The following IL23R variants were observed in gnomAD, a reference collection of about 807,000 sequenced individuals.
IL23R encodes the protein interleukin 23 receptor, also known as interleukin-23 receptor.
In IL23R, 34 loss-of-function variants were observed where a neutral mutation model predicts 56.9. The observed-to-expected ratio is 0.60, with a 90% confidence interval of 0.45 to 0.80. The LOEUF is 0.80. IL23R is among the 30% of genes least tolerant of loss of function. IL23R has a pLI of 0.00. For synonymous variants in IL23R, 230 were observed against 249.2 expected (o/e 0.92, Z 0.73); for missense variants, 635 against 730.0 (o/e 0.87, Z 1.50).
At chr1:67,223,974 T>C (rs1650459790) in intron 7 of IL23R, among the ~76,000 whole-genome samples, 1 of 151,730 alleles carries the variant, frequency 6.6e-6, no homozygotes, top group Admixed American at 6.6e-5. Flanking sequence ...AACTGCTTTT[T>C]ACCGAATCTT....
chr1:67,246,450 G>C (rs1652230134), intron 9 of IL23R, among the ~76,000 whole-genome samples: 1 of 152,192 alleles, frequency 6.6e-6, no homozygotes, highest in African/African-American at 2.4e-5. Flanking sequence ...TGGGCATTTA[G>C]TGCTATAAAT....
chr1:67,221,442 TCC>T (rs1650247552), intron 7 of IL23R, among the ~76,000 whole-genome samples: 1 of 135,226 alleles, frequency 7.4e-6, no homozygotes, highest in African/African-American at 3.9e-5. Context: ...AATTCTCTTC[TCC>T]TCAACAGGAT....
At chr1:67,177,164 C>G (rs1379932521) in intron 3 of IL23R, among the ~76,000 whole-genome samples, 1 of 152,156 alleles carries the variant, frequency 6.6e-6, no homozygotes, top group African/African-American at 2.4e-5. Context: ...AATGGTATTT[C>G]TAGTTCTAGA....
In IL23R at chr1:67,201,854, TTAATC is replaced by T. The variant is rs199536512; in HGVS notation, c.652+960_652+964del. 6.0e-3 allele frequency among the ~76,000 whole-genome samples: 906 copies of T among 152,256 alleles called. 8 individuals are homozygous for T. Among genetic ancestry groups the T allele is most frequent in the African/African-American group, 0.021 (860 of 41,562 alleles). On this transcript the variant is annotated intron_variant, in intron 5 of 10. Coordinates refer to ENST00000347310, the MANE Select transcript of IL23R (RefSeq NM_144701.3). ...ATTAGTAATAAACATTTCTATTAAT[TTAATC>T]TATAGTTTTATTTTTAATGTTGTCT...
chr1:67,249,114 C>T (rs1362483672), intron 9 of IL23R, among the ~76,000 whole-genome samples: 1 of 152,242 alleles, frequency 6.6e-6, no homozygotes, highest in Non-Finnish European at 1.5e-5. Flanking sequence ...ATTCAGCCAC[C>T]TTGCCAGCTC....
Position 67,182,828 on chromosome 1 carries a change from T to G in IL23R, c.368-8T>G. ...ACAGCACCTCCTAAGTGTTATGTTT[T>G]GTTGCAGATCCGCCAGATATTCCTG... On this transcript the variant is annotated splice_region_variant and splice_polypyrimidine_tract_variant and intron_variant, in intron 3 of 10. Transcript: ENST00000347310. 1 of 1,613,968 alleles carries G rather than the reference T, an allele frequency of 6.2e-7. No homozygotes were observed. The highest frequency in any genetic ancestry group is 8.5e-7 in the Non-Finnish European group (1 of 1,179,868).
At chr1:67,207,385 A>G (rs1162170254) in intron 6 of IL23R, among the ~76,000 whole-genome samples, 1 of 152,034 alleles carries the variant, frequency 6.6e-6, no homozygotes, top group Non-Finnish European at 1.5e-5. Context: ...TGTGGTCCCC[A>G]GTGTCTATTA....
intron 2 of IL23R, among the ~76,000 whole-genome samples, chr1:67,169,107 C>T (rs1046516346): frequency 1.8e-4 from 24 of 131,782 alleles, no homozygotes; most frequent in Admixed American, 1.7e-3. Context: ...CAACACTGCA[C>T]TGCAGCCTGG....
intron 8 of IL23R, among the ~76,000 whole-genome samples, chr1:67,239,424 CG>C (rs35511077): frequency 6.6e-6 from 1 of 152,068 alleles, no homozygotes. Flanking sequence ...CCACCACACC[CG>C]GCTAATTTTT....
intron 5 of IL23R, among the ~76,000 whole-genome samples, chr1:67,201,129 G>GC (rs59874202): frequency 1 from 152,145 of 152,180 alleles, 76,055 homozygotes; most frequent in East Asian, 1. Context: ...ATGTGGCTGG[G>GC]CCGGTGGCTC....
chr1:67,147,062 T>C (rs1301545752), intron 1 of IL23R, among the ~76,000 whole-genome samples: 2 of 152,144 alleles, frequency 1.3e-5, no homozygotes, highest in Non-Finnish European at 2.9e-5. Context: ...TCTGAGATTT[T>C]TTTTTTCTAG....
chr1:67,213,228 A>T (rs1649616780), intron 6 of IL23R, among the ~76,000 whole-genome samples: 1 of 152,130 alleles, frequency 6.6e-6, no homozygotes, highest in Admixed American at 6.5e-5. Flanking sequence ...TAACATGGGG[A>T]TAAGATAAGC....
At chr1:67,154,034 C>T (rs1320410998) in intron 1 of IL23R, among the ~76,000 whole-genome samples, 1 of 152,222 alleles carries the variant, frequency 6.6e-6, no homozygotes, top group Non-Finnish European at 1.5e-5. Context: ...TCCCAAAGTG[C>T]TGGGATTACA....
chr1:67,258,981 T>C lies in IL23R; in HGVS notation c.1743T>C (p.Ser581=), dbSNP rs1431127625. 1.2e-6 allele frequency: 2 copies of C among 1,614,110 alleles called. No individual in the cohort carries two copies. Among genetic ancestry groups the C allele is most frequent in the South Asian group, 2.2e-5 (2 of 91,088 alleles). ...TTMLLENDSP[S]ETIPEQTLLP... ...TGCTTTTGGAAAATGATTCACCCAG[T>C]GAAACTATTCCAGAACAGACCCTGC... Residue 581 remains serine, a synonymous_variant, in exon 11 of 11, where the codon AGT becomes AGC. Transcript: ENST00000347310.
intron 8 of IL23R, among the ~76,000 whole-genome samples, chr1:67,238,822 T>A (rs1173762326): frequency 6.6e-6 from 1 of 152,136 alleles, no homozygotes; most frequent in East Asian, 1.9e-4. Flanking sequence ...CAGAAATAGC[T>A]CTTTAGCCCT....
chr1:67,140,779 AT>A (rs1163374561), intron 1 of IL23R, among the ~76,000 whole-genome samples: 2 of 152,182 alleles, frequency 1.3e-5, no homozygotes, highest in Non-Finnish European at 2.9e-5. Flanking sequence ...AATAACATCT[AT>A]CATCTATTTA....
intron 7 of IL23R, among the ~76,000 whole-genome samples, chr1:67,231,328 ATAATAG>A (rs1651089539): frequency 6.6e-6 from 1 of 152,242 alleles, no homozygotes; most frequent in Non-Finnish European, 1.5e-5. Flanking sequence ...AAACCTAATT[ATAATAG>A]TAAGAATTTG....
chr1:67,202,928 C>T (rs1206391162), intron 5 of IL23R, among the ~76,000 whole-genome samples: 1 of 152,078 alleles, frequency 6.6e-6, no homozygotes, highest in Non-Finnish European at 1.5e-5. Flanking sequence ...GACAATTATT[C>T]CATTTTATTG....
chr1:67,156,806 C>T (rs1646773436), intron 1 of IL23R, among the ~76,000 whole-genome samples: 1 of 152,178 alleles, frequency 6.6e-6, no homozygotes, highest in South Asian at 2.1e-4. Context: ...AGCCCCCTTT[C>T]CAGGGCAGTG....
Sources: allele counts gnomAD v4.1 joint callset (sites outside exome capture counted in the v4.1 genomes callset), GRCh38; gene constraint gnomAD v4.1.1; transcripts MANE v1.5; gene names NCBI Gene and HGNC (gene_info 2026-07-23, HGNC 2026-07-21).